LGI3: variants seen among roughly 807,000 people sequenced by gnomAD.
LGI3 encodes the protein leucine-rich repeat LGI family member 3.
Under a neutral mutation model 55.4 loss-of-function variants are expected in LGI3, and 47 were observed. The ratio of observed to expected loss-of-function variants is 0.85; its 90% confidence interval spans 0.67 to 1.08. The LOEUF (loss-of-function observed/expected upper bound fraction) is 1.08. LGI3 is among the 50% of genes least tolerant of loss of function. The probability of loss-of-function intolerance (pLI) is 0.00; values close to 1 mark genes in which losing one functional copy is unlikely to be tolerated. For missense variants in LGI3, 664 were observed against 726.3 expected, an observed-to-expected ratio of 0.91 and a Z score of 0.99; for synonymous variants, 326 against 315.0, an observed-to-expected ratio of 1.04 and a Z score of -0.37.
At position 22,151,629 on chromosome 8, in the gene LGI3, G is replaced by C; in HGVS notation, c.689C>G (p.Ala230Gly). The change falls in exon 7 of 8, where the codon GCC (alanine) becomes GGC (glycine). Residue 230 changes from alanine to glycine, a missense_variant. Transcript: ENST00000306317. ...GGGCTCAGCCGACACTGCTGGGAAG[G>C]CCAGGGTCTGGTACAACACAAAATC... ...TTDFVLYQTL[A>G]FPAVSAEPFL... 6.2e-7 allele frequency: 1 copy of C among 1,614,074 alleles called. No homozygotes were observed. Among genetic ancestry groups the C allele is most frequent in the Non-Finnish European group, 8.5e-7 (1 of 1,179,984 alleles).
At chr8:22,150,376 T>G (rs1827362156) in intron 7 of LGI3, among the ~76,000 whole-genome samples, 1 of 113,762 alleles carries the variant, frequency 8.8e-6, no homozygotes, top group Admixed American at 9.0e-5. Flanking sequence ...TTTTTTTTTT[T>G]GAGATGGAGT....
chr8:22,152,597 C>G (rs577178762), intron 5 of LGI3, among the ~76,000 whole-genome samples: 2 of 151,996 alleles, frequency 1.3e-5, no homozygotes, highest in Non-Finnish European at 2.9e-5. Flanking sequence ...CAAAAATTAC[C>G]CAGGCATGGT....
chr8:22,147,784 A>G lies in LGI3; in HGVS notation c.*376T>C. 4.9e-6 allele frequency: 1 copy of G among 205,964 alleles called. No homozygotes were observed. The highest frequency in any genetic ancestry group is 9.9e-6 in the Non-Finnish European group (1 of 101,350). The allele number at this position is 205,964 out of a possible 1,614,324, so 12.8% of individuals were successfully genotyped here. A position where few individuals can be genotyped will look rare whatever the true frequency, so the allele number is the denominator to read the frequency against. On this transcript the variant is annotated 3_prime_UTR_variant, in exon 8 of 8. Coordinates refer to ENST00000306317, the MANE Select transcript of LGI3 (RefSeq NM_139278.4). ...AATGCCTGGAGCACCAACAGGAAAG[A>G]CCAGAGGGGCAGAAGGAGAAGCACA...
At chr8:22,153,917 A>G (rs766938178) in intron 5 of LGI3, 51 bp downstream of exon 5, 1 of 1,577,014 alleles carries the variant, frequency 6.3e-7, no homozygotes, top group Non-Finnish European at 8.7e-7. Flanking sequence ...CACTCCCTCC[A>G]GGGATGCGCC....
chr8:22,154,470 C>G, intron 3 of LGI3, 90 bp downstream of exon 3: 1 of 1,156,548 alleles, frequency 8.6e-7, no homozygotes, highest in South Asian at 1.2e-5. Flanking sequence ...CTGCGGCATT[C>G]TCATCCACTC....
Position 22,147,806 on chromosome 8 carries a change from C to G in LGI3, c.*354G>C, listed in dbSNP as rs886774021. ...AAGACCAGAGGGGCAGAAGGAGAAG[C>G]ACAAGGACAGGAGGATGCGGCCCCC... On this transcript the variant is annotated 3_prime_UTR_variant, in exon 8 of 8. Coordinates refer to ENST00000306317, the MANE Select transcript of LGI3 (RefSeq NM_139278.4). 1.3e-5 allele frequency: 3 copies of G among 228,200 alleles called. No individual in the cohort carries two copies. Among genetic ancestry groups the G allele is most frequent in the African/African-American group, 6.9e-5 (3 of 43,728 alleles). 14.1% of individuals were successfully genotyped at this position (228,200 alleles called of 1,614,324 possible). A position where few individuals can be genotyped will look rare whatever the true frequency, so the allele number is the denominator to read the frequency against.
At chr8:22,149,630 C>T (rs1487064241) in intron 7 of LGI3, among the ~76,000 whole-genome samples, 1 of 152,166 alleles carries the variant, frequency 6.6e-6, no homozygotes, top group Non-Finnish European at 1.5e-5. Context: ...TACTCACAAT[C>T]AGCTTCATTG....
rs200322572 is a variant in LGI3 at position 22,148,622 on chromosome 8, G to C, written c.1185C>G (p.Ser395Arg). Residue 395 changes from serine to arginine, a missense_variant, in exon 8 of 8, where the codon AGC becomes AGG. Ser to Arg is a moderately radical substitution (Grantham distance 110). Transcript: ENST00000306317. The surrounding 1 kb of genome is among the most constrained non-coding windows in gnomAD (Gnocchi z 7.0). ...ACTGATAGATGACGGGTGCCTGGGA[G>C]CTGCTGGACACAATCAGCCGTGGCT... ...EGKPRLIVSS[S>R]SQAPVIYQWS... The C allele has an allele frequency of 2.0e-5, 33 of 1,613,936 alleles. No individual in the cohort carries two copies. The highest frequency in any genetic ancestry group is 2.7e-5 in the Non-Finnish European group (32 of 1,180,006).
chr8:22,156,667 C>T lies in LGI3; in HGVS notation c.-125G>A. On this transcript the variant is annotated 5_prime_UTR_variant, in exon 1 of 8. Coordinates refer to ENST00000306317, the MANE Select transcript of LGI3 (RefSeq NM_139278.4). Reference sequence around the variant, plus strand: ...GCAGCTGCTACCGCAGCCAGGGGCCCGCCTGCGGACTCCTCCTGCCCTCGG... The same window carrying T: ...GCAGCTGCTACCGCAGCCAGGGGCCTGCCTGCGGACTCCTCCTGCCCTCGG... 3.7e-6 allele frequency: 1 copy of T among 269,968 alleles called. No individual in the cohort carries two copies. Among genetic ancestry groups the T allele is most frequent in the Non-Finnish European group, 6.7e-6 (1 of 148,192 alleles). 16.7% of individuals were successfully genotyped at this position (269,968 alleles called of 1,614,324 possible).
At chr8:22,154,458 T>A in intron 3 of LGI3, 102 bp downstream of exon 3, 1 of 1,045,622 alleles carries the variant, frequency 9.6e-7, no homozygotes, top group Non-Finnish European at 1.5e-6. Flanking sequence ...CACCTTCCCT[T>A]CCTGCGGCAT....
In LGI3 at chr8:22,148,852, G is replaced by C; in HGVS notation, c.955C>G (p.Gln319Glu). ...DPNTTRFTRLQDIDPQRVRKP... is the reference protein window; with the variant it reads ...DPNTTRFTRLEDIDPQRVRKP... ...CGCACGCGCTGCGGGTCAATGTCTTGCAGCCTGGTGAAGCGCGTGGTGTTG... is the reference window on the plus strand; with the variant it reads ...CGCACGCGCTGCGGGTCAATGTCTTCCAGCCTGGTGAAGCGCGTGGTGTTG... The change falls in exon 8 of 8, where the codon CAA becomes GAA. Residue 319 changes from glutamine (Q) to glutamate (E), a missense_variant. Coordinates refer to ENST00000306317, the MANE Select transcript of LGI3 (RefSeq NM_139278.4). This position sits in a 1 kb window ranked among gnomAD's most constrained non-coding sequence, Gnocchi z 7.0. The C allele has an allele frequency of 6.2e-7, 1 of 1,614,192 alleles. No individual in the cohort carries two copies. Among genetic ancestry groups the C allele is most frequent in the Non-Finnish European group, 8.5e-7 (1 of 1,180,036 alleles).
At position 22,148,444 on chromosome 8, in the gene LGI3, G is replaced by T. The variant is rs142110799; in HGVS notation, c.1363C>A (p.Arg455Ser). The change falls in exon 8 of 8, where the codon CGC becomes AGC. Residue 455 changes from arginine (R) to serine (S), a missense_variant. Physicochemically the swap from Arg to Ser is moderately radical, Grantham distance 110. Transcript: ENST00000306317. The surrounding 1 kb of genome is among the most constrained non-coding windows in gnomAD (Gnocchi z 7.0). ...GGCAGGGCCTGCACCTCCGAGAAGC[G>T]GGTACCCTCCCAGCGCAGGATCTTG... Reference protein sequence around the residue: ...DSKILRWEGTRFSEVQALPSR... With the variant: ...DSKILRWEGTSFSEVQALPSR... The T allele has an allele frequency of 2.5e-6, 4 of 1,612,104 alleles. No homozygotes were observed. In the African/African-American group the frequency reaches 5.3e-5, roughly 22 times the overall value.
At chr8:22,154,691 G>T in intron 2 of LGI3, 60 bp from the exon 3 acceptor site, 3 of 1,305,094 alleles carry the variant, frequency 2.3e-6, no homozygotes, top group East Asian at 2.3e-5. Flanking sequence ...CCAGCCCCCA[G>T]CCCGCTGCCT....
rs549109382 is a variant in LGI3, at chr8:22,151,744, G to A, written c.664+87C>T. On this transcript the variant is annotated intron_variant, in intron 6 of 7. Transcript: ENST00000306317. ...GGTTGCTTTACTGCTGCCGCTGGGT[G>A]TTGTGGGGCAGGGTGGGGGGTTTCG... 8.9e-6 allele frequency: 14 copies of A among 1,568,852 alleles called. No individual in the cohort carries two copies. In the East Asian group the frequency reaches 2.5e-4, roughly 28 times the overall value.
Position 22,148,106 on chromosome 8 carries a change from C to T in LGI3, c.*54G>A. 7.0e-7 allele frequency: 1 copy of T among 1,436,468 alleles called. No individual in the cohort carries two copies. Among genetic ancestry groups the T allele is most frequent in the South Asian group, 1.4e-5 (1 of 73,970 alleles). The allele number at this position is 1,436,468 out of a possible 1,614,324, so 89.0% of individuals were successfully genotyped here. On this transcript the variant is annotated 3_prime_UTR_variant, in exon 8 of 8. Transcript: ENST00000306317. The surrounding 1 kb of genome is among the most constrained non-coding windows in gnomAD (Gnocchi z 7.0). ...CAGGCATACGTGGTGCTCACAGAGG[C>T]CCCCACCCATCCTCCAGTGGCCACC...
At chr8:22,155,775 T>C (rs1827484738) in intron 1 of LGI3, among the ~76,000 whole-genome samples, 1 of 152,180 alleles carries the variant, frequency 6.6e-6, no homozygotes, top group East Asian at 1.9e-4. Flanking sequence ...CTGGGTGCTG[T>C]TGAGAGATGG....
intron 4 of LGI3, 48 bp downstream of exon 4, chr8:22,154,094 A>C (rs1477026549): frequency 9.3e-6 from 15 of 1,610,674 alleles, no homozygotes; most frequent in Non-Finnish European, 1.2e-5. Context: ...CAAAGGCCAC[A>C]GGAGAGGTGG....
rs777520969 is a variant in LGI3, at chr8:22,151,577, C to G, written c.741G>C (p.Leu247Phe). The G allele has an allele frequency of 1.4e-5, 22 of 1,614,036 alleles. No homozygotes were observed. In the Middle Eastern group the frequency reaches 6.6e-4, roughly 48 times the overall value. Residue 247 changes from leucine (L) to phenylalanine (F), a missense_variant, in exon 7 of 8, where the codon TTG becomes TTC. Transcript: ENST00000306317. Reference sequence around the variant, plus strand: ...CACTGACTCCTGGCTGGGCCAGAGCCAAATAGAGGTCACTGGAGTAGAGGA... The same window carrying G: ...CACTGACTCCTGGCTGGGCCAGAGCGAAATAGAGGTCACTGGAGTAGAGGA... The part of the protein sequence containing the change: ...EPFLYSSDLY[L>F]ALAQPGVSAC...
chr8:22,153,725 A>C (rs77640822), intron 5 of LGI3, among the ~76,000 whole-genome samples: 184 of 135,704 alleles, frequency 1.4e-3, no homozygotes, highest in Middle Eastern at 0.011. Context: ...AAAAAAAAAA[A>C]ACACACACAC....
Sources: gnomAD v4.1 joint callset for allele counts (sites outside exome capture counted in the v4.1 genomes callset) on GRCh38, gnomAD v4.1.1 for gene constraint, Gnocchi (gnomAD v3.1) non-coding constraint, MANE v1.5 for transcripts, NCBI Gene and HGNC (gene_info 2026-07-23, HGNC 2026-07-21) for gene names.